The following STPG2 variants were observed in gnomAD, a reference collection of about 807,000 sequenced individuals.
STPG2 encodes the protein sperm tail PG-rich repeat containing 2.
Under a neutral mutation model 54.2 loss-of-function variants are expected in STPG2, and 56 were observed. The observed-to-expected ratio is 1.03, with a 90% CI of 0.83 to 1.29. The LOEUF is 1.29. STPG2 is among the 50% of genes most tolerant of loss of function. The pLI is 0.00. For synonymous variants in STPG2, 200 were observed against 181.8 expected, an observed-to-expected ratio of 1.10 and a Z score of -0.81; for missense variants, 596 against 544.9, an observed-to-expected ratio of 1.09 and a Z score of -0.93.
chr4:97,517,243 G>C (rs1283339899), intron 4 of STPG2, among the ~76,000 whole-genome samples: 2 of 152,060 alleles, frequency 1.3e-5, no homozygotes, highest in Non-Finnish European at 2.9e-5. Flanking sequence ...TTTTATTGCA[G>C]TGTCTCGTGC....
At chr4:98,002,360 C>G (rs1028228836) in intron 5 of STPG2, among the ~76,000 whole-genome samples, 1 of 152,000 alleles carries the variant, frequency 6.6e-6, no homozygotes. Flanking sequence ...TGTTATAAAA[C>G]ATAATACCTA....
At chr4:97,551,677 A>G (rs1731969005) in intron 4 of STPG2, among the ~76,000 whole-genome samples, 1 of 152,264 alleles carries the variant, frequency 6.6e-6, no homozygotes, top group Non-Finnish European at 1.5e-5. Context: ...ATTGATAACT[A>G]TATGACTGTA....
chr4:97,614,194 C>G (rs1000920944), intron 10 of STPG2, among the ~76,000 whole-genome samples: 1 of 151,982 alleles, frequency 6.6e-6, no homozygotes, highest in Non-Finnish European at 1.5e-5. Flanking sequence ...TAATACCAGC[C>G]ATTTAGGCCA....
At chr4:97,542,776 A>G (rs1434960401) in intron 4 of STPG2, among the ~76,000 whole-genome samples, 1 of 152,228 alleles carries the variant, frequency 6.6e-6, no homozygotes, top group Non-Finnish European at 1.5e-5. Context: ...TACACCGTAG[A>G]ATACTATGCA....
chr4:97,559,153 A>C, intron 10 of STPG2, 36 bp from the exon 11 acceptor site: 1 of 1,364,648 alleles, frequency 7.3e-7, no homozygotes, highest in Non-Finnish European at 1.0e-6. Flanking sequence ...GGAGGAAAAC[A>C]TCTACTTACA....
At chr4:98,081,135 C>T (rs549578243) in intron 5 of STPG2, among the ~76,000 whole-genome samples, 2 of 152,276 alleles carry the variant, frequency 1.3e-5, no homozygotes, top group South Asian at 4.1e-4. Flanking sequence ...GAAAGGTATT[C>T]TGTGAGGGTC....
At chr4:97,501,364 G>GA (rs369804703) in intron 4 of STPG2, among the ~76,000 whole-genome samples, 27 of 150,378 alleles carry the variant, frequency 1.8e-4, no homozygotes, top group Non-Finnish European at 3.6e-4. Flanking sequence ...GCAATAGGAA[G>GA]AAAAAAAAGG....
chr4:97,703,394 T>C (rs1356866150), intron 10 of STPG2, among the ~76,000 whole-genome samples: 2 of 145,178 alleles, frequency 1.4e-5, no homozygotes, highest in African/African-American at 2.5e-5. Flanking sequence ...TAATAGGATA[T>C]ATATATATAT....
chr4:97,951,027 A>G (rs1220582924), intron 7 of STPG2, among the ~76,000 whole-genome samples: 1 of 152,178 alleles, frequency 6.6e-6, no homozygotes, highest in East Asian at 1.9e-4. Flanking sequence ...TTGATGAATC[A>G]GCTGGCACCA....
At chr4:97,655,996 T>C (rs887601796) in intron 10 of STPG2, among the ~76,000 whole-genome samples, 7 of 152,202 alleles carry the variant, frequency 4.6e-5, no homozygotes, top group Non-Finnish European at 8.8e-5. Context: ...TAAATGTATA[T>C]CTTAAAACAT....
At chr4:97,923,565 C>T (rs1306193734) in intron 8 of STPG2, among the ~76,000 whole-genome samples, 2 of 152,212 alleles carry the variant, frequency 1.3e-5, no homozygotes, top group Non-Finnish European at 2.9e-5. Context: ...GTATCTAGCT[C>T]AAGGTTTGTA....
chr4:97,818,336 T>A (rs982280274), intron 9 of STPG2, among the ~76,000 whole-genome samples: 11 of 151,950 alleles, frequency 7.2e-5, no homozygotes, highest in Non-Finnish European at 1.2e-4. Context: ...TATATATACA[T>A]ATCCATAATA....
chr4:98,143,423 G>A lies in STPG2; in HGVS notation c.-273C>T, dbSNP rs1208502847. On this transcript the variant is annotated 5_prime_UTR_variant, in exon 1 of 11. Transcript: ENST00000295268. ...ACAATCATCAGTTTGCCAGGTGCACGCCACCAAAATTGGGTATTAGGGATT... is the reference window on the plus strand; with the variant it reads ...ACAATCATCAGTTTGCCAGGTGCACACCACCAAAATTGGGTATTAGGGATT... Among the ~76,000 whole-genome samples, 1 of 152,160 alleles carries A rather than the reference G, an allele frequency of 6.6e-6. No individual in the cohort carries two copies. The highest frequency in any genetic ancestry group is 1.5e-5 in the Non-Finnish European group (1 of 68,018).
intron 9 of STPG2, among the ~76,000 whole-genome samples, chr4:97,730,941 C>A (rs546653358): frequency 6.6e-6 from 1 of 152,264 alleles, no homozygotes; most frequent in African/African-American, 2.4e-5. Context: ...GATTGAATTT[C>A]AACTTTTTCC....
chr4:97,534,729 T>C (rs780614389), intron 4 of STPG2, among the ~76,000 whole-genome samples: 1 of 152,318 alleles, frequency 6.6e-6, no homozygotes, highest in East Asian at 1.9e-4. Context: ...AATGAAGATA[T>C]TGAGTGGTTT....
intron 8 of STPG2, among the ~76,000 whole-genome samples, chr4:97,843,037 G>A (rs1223881783): frequency 6.6e-6 from 1 of 151,830 alleles, no homozygotes; most frequent in Non-Finnish European, 1.5e-5. Flanking sequence ...CCCTAAATGA[G>A]CTGAATACCA....
intron 4 of STPG2, chr4:97,441,406 C>G (rs1170978107): frequency 6.6e-6 from 1 of 151,874 alleles, no homozygotes; most frequent in Non-Finnish European, 1.5e-5. Context: ...TTTTTTATCT[C>G]TAGATGTTAG....
At chr4:97,670,626 C>A (rs554858077) in intron 10 of STPG2, among the ~76,000 whole-genome samples, 1 of 152,128 alleles carries the variant, frequency 6.6e-6, no homozygotes, top group Non-Finnish European at 1.5e-5. Context: ...TAAATTTATT[C>A]TTGACCTTGC....
At chr4:97,886,837 C>T (rs950419415) in intron 8 of STPG2, among the ~76,000 whole-genome samples, 1 of 152,124 alleles carries the variant, frequency 6.6e-6, no homozygotes, top group African/African-American at 2.4e-5. Flanking sequence ...AGTGGTTGCT[C>T]GTGAACGCTT....
Sources: gnomAD v4.1 joint callset for allele counts (sites outside exome capture counted in the v4.1 genomes callset) on GRCh38, gnomAD v4.1.1 for gene constraint, MANE v1.5 for transcripts, NCBI Gene and HGNC (gene_info 2026-07-23, HGNC 2026-07-21) for gene names.